The following BRWD1 variants were observed in gnomAD, a reference collection of about 807,000 sequenced individuals.
The protein encoded by BRWD1 is bromodomain and WD repeat domain containing 1.
A neutral mutation model predicts 251.2 loss-of-function variants in BRWD1; 82 were observed. The observed-to-expected ratio is 0.33, with a 90% confidence interval of 0.27 to 0.39. BRWD1 has a LOEUF of 0.39. Ranked by LOEUF, BRWD1 falls within the 10% of genes least tolerant of loss-of-function variation. The pLI is 1.00. For synonymous variants in BRWD1, 918 were observed against 902.8 expected (o/e 1.02, Z -0.30); for missense variants, 2,233 against 2,711.6 (o/e 0.82, Z 3.92).
chr21:39,286,846 G>T (rs2035656721), intron 8 of BRWD1, among the ~76,000 whole-genome samples: 1 of 151,958 alleles, frequency 6.6e-6, no homozygotes, highest in Non-Finnish European at 1.5e-5. Context: ...TACTAAAAAT[G>T]AACAGTTGTA....
chr21:39,189,848 A>T lies in BRWD1; in HGVS notation c.*6411T>A. The T allele has an allele frequency of 3.0e-6, 3 of 985,394 alleles. No individual in the cohort carries two copies. The highest frequency in any genetic ancestry group is 2.4e-6 in the Non-Finnish European group (2 of 829,900). 61.0% of individuals were successfully genotyped at this position (985,394 alleles called of 1,614,324 possible). A position where few individuals can be genotyped will look rare whatever the true frequency, so the allele number is the denominator to read the frequency against. On this transcript the variant is annotated 3_prime_UTR_variant, in exon 41 of 41. Transcript: ENST00000342449. ...TAGGGTACAAGCTTAAGAACTCTGGATGTTGCTGCTCTAACAATGCATTTG... is the reference window on the plus strand; with the variant it reads ...TAGGGTACAAGCTTAAGAACTCTGGTTGTTGCTGCTCTAACAATGCATTTG...
At chr21:39,304,141 CAAA>C (rs56990201) in intron 4 of BRWD1, among the ~76,000 whole-genome samples, 1 of 118,390 alleles carries the variant, frequency 8.4e-6, no homozygotes, top group Non-Finnish European at 1.7e-5. Context: ...AACTCTTTCT[CAAA>C]AAAAAAAAAA....
Position 39,229,313 on chromosome 21 carries a change from T to C in BRWD1, c.3124A>G (p.Arg1042Gly), listed in dbSNP as rs1030306332. Residue 1042 changes from arginine to glycine, a missense_variant and splice_region_variant, in exon 26 of 41, where the codon AGA becomes GGA. Around this residue, in one of 12 missense-constraint regions of BRWD1, gnomAD observed 139 missense variants for 272.8 expected, o/e 0.51. Coordinates refer to ENST00000342449, the MANE Select transcript of BRWD1 (RefSeq NM_033656.4). ...GKLMDKSFSI[R>G]YHDMPDVIDF... ...TCCATTTTAAAAAATAATACATACC[T>C]AATAGAGAAAGATTTGTCCATAAGT... The C allele has an allele frequency of 2.5e-6, 4 of 1,594,016 alleles. No homozygotes were observed. Among genetic ancestry groups the C allele is most frequent in the Non-Finnish European group, 3.4e-6 (4 of 1,163,736 alleles).
rs751388490 is a variant in BRWD1, at chr21:39,187,255, ATTATCT to A, written c.*8998_*9003del. ...TGAGATCGTTTCTTTTAGATTACTC[ATTATCT>A]TTATTTTATTTGCAGCAACAGTAGC... On this transcript the variant is annotated 3_prime_UTR_variant, in exon 41 of 41. Coordinates refer to ENST00000342449, the MANE Select transcript of BRWD1 (RefSeq NM_033656.4). 7.4e-6 allele frequency: 12 copies of A among 1,613,752 alleles called. No homozygotes were observed. Among genetic ancestry groups the A allele is most frequent in the Non-Finnish European group, 9.3e-6 (11 of 1,179,922 alleles).
intron 27 of BRWD1, among the ~76,000 whole-genome samples, chr21:39,227,227 T>C (rs1455845481): frequency 1.3e-5 from 2 of 152,212 alleles, no homozygotes; most frequent in Admixed American, 6.5e-5. Flanking sequence ...CATTTATGAA[T>C]GTGTACACCA....
At chr21:39,293,299 C>T (rs1406480310) in intron 8 of BRWD1, among the ~76,000 whole-genome samples, 3 of 152,068 alleles carry the variant, frequency 2.0e-5, no homozygotes, top group Non-Finnish European at 4.4e-5. Flanking sequence ...TCGAGACCAG[C>T]CTGCCCAACA....
chr21:39,311,337 TTC>T (rs2036477693), intron 4 of BRWD1, among the ~76,000 whole-genome samples: 2 of 152,004 alleles, frequency 1.3e-5, no homozygotes, highest in Admixed American at 6.6e-5. Context: ...CCGCCTAATT[TTC>T]TGTTACTTAT....
At position 39,247,714 on chromosome 21, in the gene BRWD1, C is replaced by G; in HGVS notation, c.2468G>C (p.Ser823Thr). Residue 823 changes from serine to threonine, a missense_variant, in exon 21 of 41, where the codon AGC (serine) becomes ACC (threonine). Coordinates refer to ENST00000342449, the MANE Select transcript of BRWD1 (RefSeq NM_033656.4). The part of the protein sequence containing the change: ...RELSSGNESS[S>T]SVRHETSCDQ... Reference sequence around the variant, plus strand: ...TTTTCCACTCACATGTCTTACAGAGCTTGAAGACTCATTTCCAGAAGATAA... The same window carrying G: ...TTTTCCACTCACATGTCTTACAGAGGTTGAAGACTCATTTCCAGAAGATAA... The G allele has an allele frequency of 6.2e-7, 1 of 1,611,332 alleles. No individual in the cohort carries two copies. The highest frequency in any genetic ancestry group is 8.5e-7 in the Non-Finnish European group (1 of 1,179,148).
intron 8 of BRWD1, among the ~76,000 whole-genome samples, chr21:39,291,128 C>G (rs761109398): frequency 8.5e-5 from 13 of 152,162 alleles, no homozygotes; most frequent in Non-Finnish European, 1.5e-4. Flanking sequence ...AAAACAAAAA[C>G]CGCTATCTCA....
At position 39,264,884 on chromosome 21, in the gene BRWD1, A is replaced by C; in HGVS notation, c.1659+7T>G. The C allele has an allele frequency of 1.9e-6, 3 of 1,609,622 alleles. No homozygotes were observed. Among genetic ancestry groups the C allele is most frequent in the Non-Finnish European group, 2.5e-6 (3 of 1,178,888 alleles). Reference sequence around the variant, plus strand: ...CTTGCATGCTACAACAAAGTATTAAAAATGACCTTTTCATATGGTTTGCTG... The same window carrying C: ...CTTGCATGCTACAACAAAGTATTAACAATGACCTTTTCATATGGTTTGCTG... On this transcript the variant is annotated splice_region_variant and intron_variant, in intron 16 of 40. Transcript: ENST00000342449.
At chr21:39,274,253 G>C in intron 13 of BRWD1, 121 bp downstream of exon 13, 1 of 732,960 alleles carries the variant, frequency 1.4e-6, no homozygotes, top group Non-Finnish European at 2.3e-6. Context: ...CTTCGTAATA[G>C]AAGGTAGCTA....
At chr21:39,317,899 C>T (rs1382344626), upstream of BRWD1, among the ~76,000 whole-genome samples, 1 of 152,050 alleles carries the variant, frequency 6.6e-6, no homozygotes, top group African/African-American at 2.4e-5. Context: ...AAATTAAAAA[C>T]TTAGTCCATG....
In BRWD1 at chr21:39,274,471, A is replaced by T; in HGVS notation, c.1147T>A (p.Phe383Ile). 6.2e-7 allele frequency: 1 copy of T among 1,611,948 alleles called. No homozygotes were observed. The highest frequency in any genetic ancestry group is 8.5e-7 in the Non-Finnish European group (1 of 1,178,232). Reference protein sequence around the residue: ...SIQFCNNGDRFLSGSRDGTAR... With the variant: ...SIQFCNNGDRILSGSRDGTAR... ...GTTCCATCTCTGCTACCACTTAGGA[A>T]CCTTAAAACATTCAGAACAGGATCT... The change falls in exon 13 of 41, where the codon TTC becomes ATC. Residue 383 changes from phenylalanine to isoleucine, a missense_variant and splice_region_variant. Physicochemically the swap from Phe to Ile is conservative, Grantham distance 21. This residue lies in a region of BRWD1 where 315 missense variants were observed against 421.8 expected (regional missense o/e 0.75). Transcript: ENST00000342449.
At chr21:39,284,608 G>A (rs918060015) in intron 8 of BRWD1, among the ~76,000 whole-genome samples, 5 of 152,142 alleles carry the variant, frequency 3.3e-5, no homozygotes, top group African/African-American at 1.2e-4. Flanking sequence ...GTCTTTTTGA[G>A]AACAGCCATT....
rs949719900 is a variant in BRWD1 at position 39,188,245 on chromosome 21, G to C, written c.*8014C>G. The C allele has an allele frequency of 1.0e-6, 1 of 985,240 alleles. No homozygotes were observed. Among genetic ancestry groups the C allele is most frequent in the Non-Finnish European group, 1.2e-6 (1 of 829,918 alleles). The allele number at this position is 985,240 out of a possible 1,614,324, so 61.0% of individuals were successfully genotyped here. A position where few individuals can be genotyped will look rare whatever the true frequency, so the allele number is the denominator to read the frequency against. ...AATTTTAGGTCTTTCTTGCAGCCAT[G>C]AACAGTCAAACTATCTAAAACTGCC... On this transcript the variant is annotated 3_prime_UTR_variant, in exon 41 of 41. Transcript: ENST00000342449.
intron 10 of BRWD1, 135 bp from the exon 11 acceptor site, chr21:39,277,486 G>A (rs1378098995): frequency 8.8e-6 from 5 of 567,222 alleles, no homozygotes; most frequent in Non-Finnish European, 1.1e-5. Context: ...TACATTTTCT[G>A]ACTCACTATA....
chr21:39,196,059 G>C lies in BRWD1; in HGVS notation c.*200C>G. 1 of 1,290,514 alleles carries C rather than the reference G, an allele frequency of 7.7e-7. No homozygotes were observed. Among genetic ancestry groups the C allele is most frequent in the Non-Finnish European group, 9.8e-7 (1 of 1,021,572 alleles). The allele number at this position is 1,290,514 out of a possible 1,614,324, so 79.9% of individuals were successfully genotyped here. ...CTGCCCCCAAAATGAAGCATATTTT[G>C]GCACCTGTGCTGAATGCTGCTACAA... On this transcript the variant is annotated 3_prime_UTR_variant, in exon 41 of 41. Coordinates refer to ENST00000342449, the MANE Select transcript of BRWD1 (RefSeq NM_033656.4).
chr21:39,307,011 G>A (rs1232273480), intron 4 of BRWD1, among the ~76,000 whole-genome samples: 10 of 152,066 alleles, frequency 6.6e-5, no homozygotes, highest in African/African-American at 2.4e-4. Flanking sequence ...CTGCCACCAC[G>A]CCCGGCTAAG....
intron 27 of BRWD1, among the ~76,000 whole-genome samples, chr21:39,227,733 A>C (rs1316061526): frequency 1.3e-5 from 2 of 152,196 alleles, no homozygotes; most frequent in Non-Finnish European, 2.9e-5. Flanking sequence ...CGTTGTTATG[A>C]TATCAAGGGT....
Sources: gnomAD v4.1 joint callset for allele counts (sites outside exome capture counted in the v4.1 genomes callset) on GRCh38, gnomAD v4.1.1 for gene constraint, gnomAD v4.1.1 regional missense constraint, MANE v1.5 for transcripts, NCBI Gene and HGNC (gene_info 2026-07-23, HGNC 2026-07-21) for gene names.